Variants in EIF2AK2 observed in about 807,000 individuals in gnomAD.
The protein encoded by EIF2AK2 is eukaryotic translation initiation factor 2 alpha kinase 2.
A neutral mutation model predicts 70.5 loss-of-function variants in EIF2AK2; 40 were observed. The ratio of observed to expected loss-of-function variants is 0.57; its 90% CI spans 0.44 to 0.74. The LOEUF (loss-of-function observed/expected upper bound fraction) is 0.74, where lower values mean the gene tolerates loss of function less well. EIF2AK2 is among the 30% of genes least tolerant of loss of function. The pLI, the probability that EIF2AK2 is intolerant of heterozygous loss-of-function variation, is 0.00. For missense variants in EIF2AK2, 555 were observed against 644.3 expected, an observed-to-expected ratio of 0.86 and a Z score of 1.50; for synonymous variants, 198 against 220.9, an observed-to-expected ratio of 0.90 and a Z score of 0.92.
Position 37,139,624 on chromosome 2 carries a change from T to C in EIF2AK2, c.516+7A>G. On this transcript the variant is annotated splice_region_variant and intron_variant, in intron 6 of 16. Coordinates refer to ENST00000233057, the MANE Select transcript of EIF2AK2 (RefSeq NM_001135651.3). Reference sequence around the variant, plus strand: ...ACATAAAAATTTAATCCAAAGGCAATACGTACCACTGAGGTTTCTTCTGAT... The same window carrying C: ...ACATAAAAATTTAATCCAAAGGCAACACGTACCACTGAGGTTTCTTCTGAT... 1 of 1,607,616 alleles carries C rather than the reference T, an allele frequency of 6.2e-7. No individual in the cohort carries two copies.
At position 37,107,292 on chromosome 2, in the gene EIF2AK2, T is replaced by C; in HGVS notation, c.1637A>G (p.Asn546Ser). The change falls in exon 17 of 17, where the codon AAT (asparagine) becomes AGT (serine). Residue 546 changes from asparagine (N) to serine (S), a missense_variant. Asn to Ser is a conservative substitution (Grantham distance 46, BLOSUM62 1). Coordinates refer to ENST00000233057, the MANE Select transcript of EIF2AK2 (RefSeq NM_001135651.3). ...AGGGCTCTAACATGTGTGTCGTTCATTTTTCTCTGGGCTTTTCTTCCACAC... is the reference window on the plus strand; with the variant it reads ...AGGGCTCTAACATGTGTGTCGTTCACTTTTCTCTGGGCTTTTCTTCCACAC... ...LTVWKKSPEK[N>S]ERHTC 6.2e-7 allele frequency: 1 copy of C among 1,613,300 alleles called. No individual in the cohort carries two copies. Among genetic ancestry groups the C allele is most frequent in the East Asian group, 2.2e-5 (1 of 44,848 alleles).
rs915868891 is a variant in EIF2AK2, at chr2:37,102,201, C to G, written c.*5072G>C. 2 of 152,064 alleles carry G rather than the reference C, an allele frequency of 1.3e-5. No homozygotes were observed. The highest frequency in any genetic ancestry group is 2.9e-5 in the Non-Finnish European group (2 of 68,032). 9.4% of individuals were successfully genotyped at this position (152,064 alleles called of 1,614,324 possible). ...GTTACAAGGAGCTGTGATCGTACCA[C>G]TGTACTCTGGCCTGGGTGACAGAGT... On this transcript the variant is annotated 3_prime_UTR_variant, in exon 17 of 17. Transcript: ENST00000233057.
At chr2:37,119,658 C>A (rs1270702625) in intron 13 of EIF2AK2, among the ~76,000 whole-genome samples, 1 of 151,226 alleles carries the variant, frequency 6.6e-6, no homozygotes, top group South Asian at 2.1e-4. Context: ...GTGGCACAAT[C>A]TTGGCTCACT....
At chr2:37,114,915 T>C in intron 13 of EIF2AK2, 56 bp from the exon 14 acceptor site, 2 of 1,229,698 alleles carry the variant, frequency 1.6e-6, no homozygotes, top group Non-Finnish European at 2.2e-6. Flanking sequence ...TATTACCACA[T>C]GTCTTAATTA....
At chr2:37,122,037 C>T (rs1338781407) in intron 12 of EIF2AK2, among the ~76,000 whole-genome samples, 1 of 152,154 alleles carries the variant, frequency 6.6e-6, no homozygotes, top group Non-Finnish European at 1.5e-5. Context: ...CCCCACCACC[C>T]CAGCATAAGT....
At chr2:37,146,245 G>A (rs1463308088) in intron 4 of EIF2AK2, among the ~76,000 whole-genome samples, 2 of 152,190 alleles carry the variant, frequency 1.3e-5, no homozygotes, top group Non-Finnish European at 2.9e-5. Context: ...ATTCAGGATT[G>A]TGTAAGTACC....
chr2:37,145,200 T>C (rs1675487428), intron 4 of EIF2AK2, among the ~76,000 whole-genome samples: 1 of 149,272 alleles, frequency 6.7e-6, no homozygotes, highest in African/African-American at 2.5e-5. Flanking sequence ...TGGAATGTAG[T>C]GGCACGATCT....
chr2:37,119,648 G>A (rs1674466183), intron 13 of EIF2AK2, among the ~76,000 whole-genome samples: 1 of 150,978 alleles, frequency 6.6e-6, no homozygotes, highest in Non-Finnish European at 1.5e-5. Context: ...CTGGAGTGCA[G>A]TGGCACAATC....
At chr2:37,137,620 TGA>T (rs1675173348) in intron 8 of EIF2AK2, among the ~76,000 whole-genome samples, 3 of 152,240 alleles carry the variant, frequency 2.0e-5, no homozygotes, top group Non-Finnish European at 4.4e-5. Context: ...AAAAATTATC[TGA>T]TTTCAAGTTT....
At chr2:37,137,829 C>T (rs781522012) in intron 8 of EIF2AK2, among the ~76,000 whole-genome samples, 9 of 151,884 alleles carry the variant, frequency 5.9e-5, no homozygotes, top group Non-Finnish European at 1.2e-4. Context: ...AAAAAGCTGC[C>T]GAGCCGGGCG....
In EIF2AK2 at chr2:37,120,072, C is replaced by G; in HGVS notation, c.1135G>C (p.Glu379Gln). The G allele has an allele frequency of 1.3e-6, 2 of 1,538,514 alleles. No individual in the cohort carries two copies. Among genetic ancestry groups the G allele is most frequent in the Non-Finnish European group, 1.8e-6 (2 of 1,138,102 alleles). The change falls in exon 13 of 17, where the codon GAA becomes CAA. Residue 379 changes from glutamate to glutamine, a missense_variant. By Grantham distance (29) the Glu-to-Gln change is conservative. Transcript: ENST00000233057. ...CDKGTLEQWI[E>Q]KRRGEKLDKV... ...TCTAGTTTCTCGCCTCTTCTTTTTT[C>G]AATCCATTGTTCCAAGGTCCCTTTA...
chr2:37,125,019 T>C (rs1476624187), intron 11 of EIF2AK2, among the ~76,000 whole-genome samples: 1 of 152,030 alleles, frequency 6.6e-6, no homozygotes, highest in Non-Finnish European at 1.5e-5. Flanking sequence ...TTTTTATTTT[T>C]ATTTTTTTTT....
At chr2:37,144,277 A>C (rs981946241) in intron 4 of EIF2AK2, among the ~76,000 whole-genome samples, 1 of 140,446 alleles carries the variant, frequency 7.1e-6, no homozygotes, top group African/African-American at 2.6e-5. Flanking sequence ...TGTATAGTAC[A>C]TAATACTGGA....
At chr2:37,107,676 C>A (rs112471052) in intron 15 of EIF2AK2, 149 bp from the exon 16 acceptor site, 1 of 749,484 alleles carries the variant, frequency 1.3e-6, no homozygotes. Context: ...GATTCCCTCT[C>A]TCCTACACTA....
chr2:37,116,265 G>A lies in EIF2AK2; in HGVS notation c.1249-1406C>T, dbSNP rs542467910. ...GACAGTGTCTCATTTTGTTATCCAG[G>A]ATGGATTTCAGTGGCATGATCATGG... On this transcript the variant is annotated intron_variant, in intron 13 of 16. Transcript: ENST00000233057. Among the ~76,000 whole-genome samples, 5 of 151,944 alleles carry A rather than the reference G, an allele frequency of 3.3e-5. No homozygotes were observed. In the South Asian group the frequency reaches 1.0e-3, roughly 32 times the overall value.
At chr2:37,140,242 C>G (rs1433675331) in intron 5 of EIF2AK2, among the ~76,000 whole-genome samples, 1 of 151,638 alleles carries the variant, frequency 6.6e-6, no homozygotes, top group African/African-American at 2.4e-5. Flanking sequence ...TGTCTGCCAT[C>G]TGCTCATGTG....
At chr2:37,108,577 T>G (rs1409778568) in intron 15 of EIF2AK2, among the ~76,000 whole-genome samples, 2 of 152,150 alleles carry the variant, frequency 1.3e-5, no homozygotes, top group African/African-American at 4.8e-5. Flanking sequence ...CTTTATTCAT[T>G]TATTTATTTA....
intron 4 of EIF2AK2, among the ~76,000 whole-genome samples, chr2:37,145,673 G>A (rs1447219760): frequency 5.3e-5 from 8 of 150,536 alleles, no homozygotes; most frequent in Non-Finnish European, 1.0e-4. Flanking sequence ...ACAAACTCAG[G>A]GCAACTTCCA....
At chr2:37,128,496 T>A (rs879598283) in intron 10 of EIF2AK2, among the ~76,000 whole-genome samples, 16 of 152,196 alleles carry the variant, frequency 1.1e-4, no homozygotes, top group Admixed American at 1.0e-3. Context: ...TCCATTTGGA[T>A]CTGTCTAGAT....
Sources: gnomAD v4.1 joint callset for allele counts (sites outside exome capture counted in the v4.1 genomes callset) on GRCh38, gnomAD v4.1.1 for gene constraint, MANE v1.5 for transcripts, NCBI Gene and HGNC (gene_info 2026-07-23, HGNC 2026-07-21) for gene names.